ZNF276: variants seen among roughly 807,000 people sequenced by gnomAD.
ZNF276 encodes the protein centromere protein Z.
A neutral mutation model predicts 63.9 loss-of-function variants in ZNF276; 59 were observed. The observed-to-expected ratio is 0.92, with a 90% CI of 0.75 to 1.15. ZNF276 has a LOEUF of 1.15. Among genes scored for constraint, ZNF276 ranks in the 50% most tolerant of loss-of-function variants. The probability of loss-of-function intolerance (pLI) is 0.00; values close to 1 mark genes in which losing one functional copy is unlikely to be tolerated. For missense variants in ZNF276, 1,084 were observed against 843.8 expected, an observed-to-expected ratio of 1.28 and a Z score of -3.53; for synonymous variants, 496 against 348.4, an observed-to-expected ratio of 1.42 and a Z score of -4.72.
Position 89,722,844 on chromosome 16 carries a change from A to T in ZNF276, c.509+10A>T, listed in dbSNP as rs118167058. The T allele has an allele frequency of 1.9e-6, 3 of 1,598,868 alleles. No homozygotes were observed. The African/African-American group carries it at 4.0e-5, about 21-fold the overall frequency. ...GGAAGCCTTGTGCAAAGTACGCCCT[A>T]GTCTGTTCAGAGCACGTTCAGGCTG... On this transcript the variant is annotated intron_variant, in intron 2 of 10. Coordinates refer to ENST00000443381, the MANE Select transcript of ZNF276 (RefSeq NM_001113525.2).
Position 89,723,166 on chromosome 16 carries a change from A to G in ZNF276, c.539A>G (p.Glu180Gly). The G allele has an allele frequency of 6.2e-7, 1 of 1,613,188 alleles. No individual in the cohort carries two copies. Among genetic ancestry groups the G allele is most frequent in the Non-Finnish European group, 8.5e-7 (1 of 1,180,016 alleles). Residue 180 changes from glutamate (E) to glycine (G), a missense_variant, in exon 3 of 11, where the codon GAG becomes GGG. By Grantham distance (98) the Glu-to-Gly change is moderately conservative (BLOSUM62 -2). Coordinates refer to ENST00000443381, the MANE Select transcript of ZNF276 (RefSeq NM_001113525.2). Reference sequence around the variant, plus strand: ...GGTGCCCAGCCCCCAACAGGGGCAGAGGAGGGAGCGTGTCTGGGTGAGTCC... The same window carrying G: ...GGTGCCCAGCCCCCAACAGGGGCAGGGGAGGGAGCGTGTCTGGGTGAGTCC... The part of the protein sequence containing the change: ...KVGAQPPTGA[E>G]EGACLVDLIT...
chr16:89,722,005 C>T (rs567170856), intron 1 of ZNF276, among the ~76,000 whole-genome samples, 160 bp downstream of exon 1: 3 of 152,194 alleles, frequency 2.0e-5, no homozygotes, highest in East Asian at 1.9e-4. Context: ...GCGGCCGGCT[C>T]GGTTTTCCTC....
chr16:89,730,100 T>C (rs565218567), intron 6 of ZNF276, among the ~76,000 whole-genome samples: 51 of 152,284 alleles, frequency 3.3e-4, no homozygotes, highest in African/African-American at 1.2e-3. Context: ...ACGGCCTTTT[T>C]TCATGGAAGT....
rs7195906 is a variant in ZNF276, at chr16:89,739,939, A to C, written c.*1693A>C. 6.2e-7 allele frequency: 1 copy of C among 1,605,100 alleles called. No individual in the cohort carries two copies. Among genetic ancestry groups the C allele is most frequent in the East Asian group, 2.2e-5 (1 of 44,644 alleles). On this transcript the variant is annotated 3_prime_UTR_variant, in exon 11 of 11. Coordinates refer to ENST00000443381, the MANE Select transcript of ZNF276 (RefSeq NM_001113525.2). ...GGGCTCGTTCTTAACCATTTGCAAG[A>C]TGCCTCTGAAAAGAGCGGCCCTCCG...
Position 89,733,396 on chromosome 16 carries a change from A to G in ZNF276, c.1264A>G (p.Lys422Glu), listed in dbSNP as rs76023376. The G allele has an allele frequency of 6.2e-7, 1 of 1,614,026 alleles. No individual in the cohort carries two copies. The highest frequency in any genetic ancestry group is 1.7e-5 in the Admixed American group (1 of 60,026). ...KPGPKPGWKKKLRCEREELPT... is the reference protein window; with the variant it reads ...KPGPKPGWKKELRCEREELPT... Reference sequence around the variant, plus strand: ...GGGACCCAAGCCCGGATGGAAGAAGAAGCTTCGTTGTGAGAGGTGATGCCT... The same window carrying G: ...GGGACCCAAGCCCGGATGGAAGAAGGAGCTTCGTTGTGAGAGGTGATGCCT... The change falls in exon 7 of 11, where the codon AAG (lysine) becomes GAG (glutamate). Residue 422 changes from lysine to glutamate, a missense_variant. Coordinates refer to ENST00000443381, the MANE Select transcript of ZNF276 (RefSeq NM_001113525.2).
intron 1 of ZNF276, 104 bp downstream of exon 1, chr16:89,721,949 G>A (rs1452774599): frequency 9.9e-6 from 8 of 808,792 alleles, no homozygotes; most frequent in Admixed American, 4.6e-5. Context: ...TCCTCCACCC[G>A]GCCAAGGGCG....
intron 6 of ZNF276, 173 bp from the exon 7 acceptor site, chr16:89,733,129 T>C: frequency 4.6e-6 from 3 of 653,178 alleles, no homozygotes; most frequent in Non-Finnish European, 8.1e-6. Flanking sequence ...CCCTGAGGCC[T>C]CCTGTCCAGA....
At chr16:89,737,560 G>C (rs910527808) in intron 9 of ZNF276, 1 of 578,648 alleles carries the variant, frequency 1.7e-6, no homozygotes, top group Non-Finnish European at 2.8e-6. Context: ...TAAGGAAATA[G>C]CTTTCTGAGG....
At position 89,739,512 on chromosome 16, in the gene ZNF276, G is replaced by T. The variant is rs764620351; in HGVS notation, c.*1266G>T. Reference sequence around the variant, plus strand: ...GCGAAAGGCAGCAGCCTGGTGTGCTGATCCGGGGCCACACGGAGGAGGAGC... The same window carrying T: ...GCGAAAGGCAGCAGCCTGGTGTGCTTATCCGGGGCCACACGGAGGAGGAGC... On this transcript the variant is annotated 3_prime_UTR_variant, in exon 11 of 11. Coordinates refer to ENST00000443381, the MANE Select transcript of ZNF276 (RefSeq NM_001113525.2). 5.2e-6 allele frequency: 8 copies of T among 1,551,290 alleles called. No homozygotes were observed. The South Asian group carries it at 9.5e-5, about 18-fold the overall frequency.
At chr16:89,722,876 CTGCAGTG>C (rs1567563077) in intron 2 of ZNF276, 42 bp downstream of exon 2, 2 of 1,580,780 alleles carry the variant, frequency 1.3e-6, no homozygotes, top group Non-Finnish European at 1.7e-6. Flanking sequence ...GCTGTCAGTA[CTGCAGTG>C]TGACGGGTGT....
At position 89,740,846 on chromosome 16, in the gene ZNF276, G is replaced by A. The variant is rs2062115605; in HGVS notation, c.*2600G>A. The A allele has an allele frequency of 1.9e-6, 3 of 1,613,420 alleles. No homozygotes were observed. Among genetic ancestry groups the A allele is most frequent in the East Asian group, 2.2e-5 (1 of 44,866 alleles). On this transcript the variant is annotated 3_prime_UTR_variant, in exon 11 of 11. Transcript: ENST00000443381. ...ACGACAGCAGGCCCATCAAGGAGAA[G>A]AAGAAAAGGAAAACCAATAGCTGTA... is the stretch of plus-strand genomic sequence containing the variant.
At chr16:89,732,891 C>G (rs2061712170) in intron 6 of ZNF276, 1 of 276,522 alleles carries the variant, frequency 3.6e-6, no homozygotes, top group Admixed American at 5.2e-5. Context: ...CCCGCTGTAC[C>G]CTGCGCCCTC....
chr16:89,739,962 C>A lies in ZNF276; in HGVS notation c.*1716C>A. ...AGATGCCTCTGAAAAGAGCGGCCCT[C>A]CGCATTTGTGCCTCAGCAGCGTGTT... On this transcript the variant is annotated 3_prime_UTR_variant, in exon 11 of 11. Coordinates refer to ENST00000443381, the MANE Select transcript of ZNF276 (RefSeq NM_001113525.2). The A allele has an allele frequency of 6.2e-7, 1 of 1,612,442 alleles. No homozygotes were observed. Among genetic ancestry groups the A allele is most frequent in the Non-Finnish European group, 8.5e-7 (1 of 1,178,558 alleles).
chr16:89,740,686 C>A lies in ZNF276; in HGVS notation c.*2440C>A. The A allele has an allele frequency of 1.2e-6, 1 of 808,044 alleles. No individual in the cohort carries two copies. 50.1% of individuals were successfully genotyped at this position (808,044 alleles called of 1,614,324 possible). A position where few individuals can be genotyped will look rare whatever the true frequency, so the allele number is the denominator to read the frequency against. On this transcript the variant is annotated 3_prime_UTR_variant, in exon 11 of 11. Transcript: ENST00000443381. ...GCCTGGGAGTTCTCACTCACACTTC[C>A]GCAAACACAAGGAGCTCCTGAGCTA...
Position 89,727,274 on chromosome 16 carries a change from C to T in ZNF276, c.1007-5C>T. On this transcript the variant is annotated splice_region_variant and splice_polypyrimidine_tract_variant and intron_variant, in intron 4 of 10. Coordinates refer to ENST00000443381, the MANE Select transcript of ZNF276 (RefSeq NM_001113525.2). ...GTAACAGGAGCCTTGTTCTTTGTTT[C>T]TCAGGGCAGTTGGGTGAGAAGCAGC... 1.9e-6 allele frequency: 3 copies of T among 1,614,080 alleles called. No individual in the cohort carries two copies. The highest frequency in any genetic ancestry group is 2.5e-6 in the Non-Finnish European group (3 of 1,179,986).
chr16:89,729,011 G>A (rs551063445), intron 5 of ZNF276, among the ~76,000 whole-genome samples: 7 of 152,372 alleles, frequency 4.6e-5, no homozygotes, highest in African/African-American at 1.7e-4. Flanking sequence ...GTGTCCTGGT[G>A]CCCAGAGCAC....
At chr16:89,722,484 A>G (rs558534979) in intron 1 of ZNF276, 47 bp from the exon 2 acceptor site, 7 of 1,562,058 alleles carry the variant, frequency 4.5e-6, no homozygotes, top group South Asian at 2.4e-5. Context: ...CCCTGTGCTC[A>G]GGAGCCTCCT....
rs1446370085 is a variant in ZNF276, at chr16:89,739,516, C to T, written c.*1270C>T. ...AAGGCAGCAGCCTGGTGTGCTGATC[C>T]GGGGCCACACGGAGGAGGAGCCGCC... On this transcript the variant is annotated 3_prime_UTR_variant, in exon 11 of 11. Transcript: ENST00000443381. 11 of 1,551,320 alleles carry T rather than the reference C, an allele frequency of 7.1e-6. No homozygotes were observed. In the East Asian group the frequency reaches 1.2e-4, roughly 17 times the overall value.
chr16:89,739,258 T>TG lies in ZNF276; in HGVS notation c.*1014dup. 6.2e-7 allele frequency: 1 copy of TG among 1,614,156 alleles called. No individual in the cohort carries two copies. The highest frequency in any genetic ancestry group is 2.2e-5 in the East Asian group (1 of 44,892). ...ACATGCAGGAAGGCCTCTTCCCTGATGGCCGCGTCTTCATGGAAGTAGGAG... is the reference window on the plus strand; with the variant it reads ...ACATGCAGGAAGGCCTCTTCCCTGATGGGCCGCGTCTTCATGGAAGTAGGAG... On this transcript the variant is annotated 3_prime_UTR_variant, in exon 11 of 11. Coordinates refer to ENST00000443381, the MANE Select transcript of ZNF276 (RefSeq NM_001113525.2).
Sources: allele counts gnomAD v4.1 joint callset (sites outside exome capture counted in the v4.1 genomes callset), GRCh38; gene constraint gnomAD v4.1.1; transcripts MANE v1.5; gene names NCBI Gene and HGNC (gene_info 2026-07-23, HGNC 2026-07-21).